WNK1: variants seen among roughly 807,000 people sequenced by gnomAD.
The protein encoded by WNK1 is WNK lysine deficient protein kinase 1, also known as serine/threonine-protein kinase WNK1.
A neutral mutation model predicts 222.8 loss-of-function variants in WNK1; 38 were observed. That is an observed-to-expected ratio of 0.17 (90% CI 0.13 to 0.22). The LOEUF (loss-of-function observed/expected upper bound fraction) is 0.22. WNK1 is among the 10% of genes least tolerant of loss of function. WNK1 has a pLI of 1.00. For missense variants in WNK1, 2,348 were observed against 2,918.4 expected (o/e 0.80, Z 4.50); for synonymous variants, 1,090 against 1,092.9 (o/e 1.00, Z 0.05).
intron 4 of WNK1, among the ~76,000 whole-genome samples, chr12:848,375 T>G (rs1950175699): frequency 6.6e-6 from 1 of 152,046 alleles, no homozygotes; most frequent in South Asian, 2.1e-4. Flanking sequence ...AATGGAAATA[T>G]GAGGCCCATC....
chr12:841,456 A>G lies in WNK1; in HGVS notation c.1311+11296A>G, dbSNP rs187193226. On this transcript the variant is annotated intron_variant, in intron 4 of 27. Coordinates refer to ENST00000315939, the MANE Select transcript of WNK1 (RefSeq NM_018979.4). ...TGTATCAGTACTTTTTAATAGTTAA[A>G]TAATATTCTATTGCATATATATACT... 4.0e-3 allele frequency among the ~76,000 whole-genome samples: 616 copies of G among 152,366 alleles called. 2 individuals carry two copies. Among genetic ancestry groups the G allele is most frequent in the Non-Finnish European group, 7.0e-3 (473 of 68,028 alleles).
chr12:769,755 T>C (rs1447729402), intron 1 of WNK1, among the ~76,000 whole-genome samples: 1 of 152,134 alleles, frequency 6.6e-6, no homozygotes, highest in East Asian at 1.9e-4. Flanking sequence ...TAACATAATA[T>C]ATAAAGAACA....
At chr12:818,217 G>T (rs1947537065) in intron 2 of WNK1, among the ~76,000 whole-genome samples, 1 of 151,970 alleles carries the variant, frequency 6.6e-6, no homozygotes, top group Admixed American at 6.6e-5. Context: ...TTCTTTAATT[G>T]CACATTATCT....
At chr12:778,278 A>G (rs1943320424) in intron 1 of WNK1, among the ~76,000 whole-genome samples, 1 of 152,216 alleles carries the variant, frequency 6.6e-6, no homozygotes, top group East Asian at 1.9e-4. Flanking sequence ...CTTGAAATTT[A>G]TGTAAAATTC....
In WNK1 at chr12:859,450, G is replaced by C. The variant is rs145646194; in HGVS notation, c.1606G>C (p.Val536Leu). The change falls in exon 6 of 28, where the codon GTT becomes CTT. Residue 536 changes from valine to leucine, a missense_variant. Val to Leu is a conservative substitution (Grantham distance 32, BLOSUM62 1). This residue lies in a region of WNK1 where 103 missense variants were observed against 111.5 expected (regional missense o/e 0.92). Coordinates refer to ENST00000315939, the MANE Select transcript of WNK1 (RefSeq NM_018979.4). ...FDLERDVPED[V>L]AQEMVESGYV... ...TTTAGAGAGAGATGTCCCAGAAGAT[G>C]TTGCACAAGAAATGGTAAATTGACA... is the stretch of plus-strand genomic sequence containing the variant. The C allele has an allele frequency of 9.3e-6, 15 of 1,610,800 alleles. No individual in the cohort carries two copies. Among genetic ancestry groups the C allele is most frequent in the Non-Finnish European group, 1.3e-5 (15 of 1,178,208 alleles).
At chr12:891,036 A>T (rs1954174020) in intron 22 of WNK1, among the ~76,000 whole-genome samples, 2 of 152,196 alleles carry the variant, frequency 1.3e-5, no homozygotes, top group South Asian at 4.1e-4. Context: ...TTATCAAAAT[A>T]TGTAGAGTAT....
At chr12:823,888 T>C (rs988592921) in intron 2 of WNK1, among the ~76,000 whole-genome samples, 1 of 147,710 alleles carries the variant, frequency 6.8e-6, no homozygotes, top group Admixed American at 7.1e-5. Flanking sequence ...GTGCTTGATA[T>C]ATCAGAGACA....
chr12:839,617 T>C (rs139763889), intron 4 of WNK1, among the ~76,000 whole-genome samples: 275 of 152,290 alleles, frequency 1.8e-3, no homozygotes, highest in African/African-American at 6.3e-3. Context: ...TCAAACAATA[T>C]CAAACCTGAT....
chr12:880,689 G>A, intron 11 of WNK1, 32 bp from the exon 12 acceptor site: 1 of 1,607,724 alleles, frequency 6.2e-7, no homozygotes, highest in Non-Finnish European at 8.5e-7. Context: ...CCCCCAACCT[G>A]CTCTAACTCA....
intron 4 of WNK1, among the ~76,000 whole-genome samples, chr12:843,141 TAGTC>T (rs1282566342): frequency 1.3e-5 from 2 of 152,116 alleles, no homozygotes; most frequent in South Asian, 2.1e-4. Context: ...TTTACCGTGT[TAGTC>T]AGGCTGTTCT....
At chr12:858,909 A>G (rs1950986968) in intron 5 of WNK1, among the ~76,000 whole-genome samples, 1 of 152,222 alleles carries the variant, frequency 6.6e-6, no homozygotes, top group Non-Finnish European at 1.5e-5. Flanking sequence ...TTACTAGTAT[A>G]CTATTACTAA....
chr12:825,056 G>A (rs1231942392), intron 2 of WNK1, among the ~76,000 whole-genome samples: 1 of 152,074 alleles, frequency 6.6e-6, no homozygotes, highest in Non-Finnish European at 1.5e-5. Context: ...CCTCCAAACA[G>A]CATCAGGATA....
At chr12:878,542 G>T (rs72649884) in intron 10 of WNK1, among the ~76,000 whole-genome samples, 181 bp downstream of exon 10, 3 of 152,052 alleles carry the variant, frequency 2.0e-5, no homozygotes, top group Non-Finnish European at 2.9e-5. Context: ...CCTCATTGGT[G>T]CATATGCATT....
chr12:776,887 C>T (rs184974256), intron 1 of WNK1, among the ~76,000 whole-genome samples: 1 of 151,916 alleles, frequency 6.6e-6, no homozygotes, highest in African/African-American at 2.4e-5. Context: ...GAGAATTGAC[C>T]CATAGTGCTA....
rs770236688 is a variant in WNK1, at chr12:908,514, C to T, written c.6871C>T (p.Leu2291=). The T allele has an allele frequency of 1.9e-6, 3 of 1,614,214 alleles. No homozygotes were observed. In the Admixed American group the frequency reaches 5.0e-5, roughly 27 times the overall value. The part of the protein sequence containing the change: ...MARKFSAPGQ[L]CISMTSNLGG... ...AAGGAAGTTCTCTGCACCTGGGCAA[C>T]TGTGCATCTCCATGACCTCGAACCT... The change falls in exon 28 of 28, where the codon CTG becomes TTG. Residue 2291 remains leucine (L), a synonymous_variant. Transcript: ENST00000315939.
At chr12:839,669 A>G (rs1189749472) in intron 4 of WNK1, among the ~76,000 whole-genome samples, 1 of 152,034 alleles carries the variant, frequency 6.6e-6, no homozygotes, top group Non-Finnish European at 1.5e-5. Flanking sequence ...GGACTATAAA[A>G]TTTATAATTT....
intron 1 of WNK1, among the ~76,000 whole-genome samples, chr12:809,025 A>G (rs1946657260): frequency 6.6e-6 from 1 of 151,704 alleles, no homozygotes; most frequent in African/African-American, 2.4e-5. Context: ...TGGCCTCCCA[A>G]AGTGCTGGGA....
At chr12:825,508 A>G (rs1948284366) in intron 2 of WNK1, among the ~76,000 whole-genome samples, 1 of 152,182 alleles carries the variant, frequency 6.6e-6, no homozygotes, top group Non-Finnish European at 1.5e-5. Flanking sequence ...TGTATGCTGT[A>G]ATTTTCATAT....
rs72647365 is a variant in WNK1 at position 753,445 on chromosome 12, C to G, written c.-121C>G. ...TGTCGGTGCTGAGTGAGGCGTCGTC[C>G]GGGTCGGCGCGAACCCGCCCGGCCG... On this transcript the variant is annotated 5_prime_UTR_variant, in exon 1 of 28. Transcript: ENST00000315939. The surrounding 1 kb of genome is among the most constrained non-coding windows in gnomAD (Gnocchi z 5.2). 7.4e-7 allele frequency: 1 copy of G among 1,344,228 alleles called. No homozygotes were observed. Among genetic ancestry groups the G allele is most frequent in the African/African-American group, 1.4e-5 (1 of 69,024 alleles). The allele number at this position is 1,344,228 out of a possible 1,614,324, so 83.3% of individuals were successfully genotyped here.
Sources: allele counts gnomAD v4.1 joint callset (sites outside exome capture counted in the v4.1 genomes callset), GRCh38; gene constraint gnomAD v4.1.1; regional missense constraint gnomAD v4.1.1; non-coding constraint Gnocchi (gnomAD v3.1); transcripts MANE v1.5; gene names NCBI Gene and HGNC (gene_info 2026-07-23, HGNC 2026-07-21).